KTN1: variants seen among roughly 807,000 people sequenced by gnomAD.
The protein encoded by KTN1 is kinectin.
KTN1 carries 130 observed loss-of-function variants against 222.5 expected under a neutral mutation model. The observed-to-expected ratio is 0.58, with a 90% CI of 0.51 to 0.68. The LOEUF is 0.68. Ranked by LOEUF, KTN1 falls within the 30% of genes least tolerant of loss-of-function variation. KTN1 has a pLI of 0.00. For synonymous variants in KTN1, 512 were observed against 496.3 expected (o/e 1.03, Z -0.42); for missense variants, 1,508 against 1,500.4 (o/e 1.01, Z -0.08).
intron 42 of KTN1, 103 bp from the exon 43 acceptor site, chr14:55,679,462 T>A (rs945817986): frequency 4.3e-6 from 4 of 924,602 alleles, no homozygotes; most frequent in Non-Finnish European, 6.5e-6. Context: ...TCAGATTTTT[T>A]AATGTTTGTG....
intron 35 of KTN1, 121 bp downstream of exon 35, chr14:55,670,930 TAAG>T (rs2045388264): frequency 1.7e-6 from 1 of 577,670 alleles, no homozygotes; most frequent in South Asian, 3.0e-5. Context: ...TGAGAAAGTG[TAAG>T]AAGGTGATTT....
intron 33 of KTN1, among the ~76,000 whole-genome samples, chr14:55,664,884 A>C (rs1410089659): frequency 6.6e-6 from 1 of 152,102 alleles, no homozygotes; most frequent in Non-Finnish European, 1.5e-5. Flanking sequence ...CTACATGATT[A>C]ATTTTAGCAC....
At chr14:55,597,063 GA>G (rs150001039) in intron 1 of KTN1, among the ~76,000 whole-genome samples, 11,631 of 147,496 alleles carry the variant, frequency 0.079, 488 homozygotes, top group South Asian at 0.12. Context: ...GGATTATTTT[GA>G]AAAAAAAAAT....
chr14:55,618,000 A>G lies in KTN1; in HGVS notation c.698A>G (p.Tyr233Cys), dbSNP rs2038630209. The G allele has an allele frequency of 6.2e-7, 1 of 1,609,686 alleles. No individual in the cohort carries two copies. Among genetic ancestry groups the G allele is most frequent in the African/African-American group, 1.3e-5 (1 of 74,710 alleles). ...GAACCCCTTATTCATGCAACTACTT[A>G]TATTCCTTTGATGGATAATGCTGAC... ...VDEPLIHATTYIPLMDNADSS... is the reference protein window; with the variant it reads ...VDEPLIHATTCIPLMDNADSS... Residue 233 changes from tyrosine to cysteine, a missense_variant, in exon 4 of 44, where the codon TAT becomes TGT. Tyr to Cys is a radical substitution (Grantham distance 194). Coordinates refer to ENST00000395314, the MANE Select transcript of KTN1 (RefSeq NM_001079521.2).
chr14:55,658,724 GT>G, intron 30 of KTN1, 110 bp downstream of exon 30: 2 of 660,522 alleles, frequency 3.0e-6, no homozygotes, highest in South Asian at 4.0e-5. Flanking sequence ...AATGAAGTAT[GT>G]TTTATTTATG....
At chr14:55,604,005 G>C (rs549682100) in intron 1 of KTN1, among the ~76,000 whole-genome samples, 1 of 152,156 alleles carries the variant, frequency 6.6e-6, no homozygotes, top group South Asian at 2.1e-4. Flanking sequence ...AATTATTTCA[G>C]TTGTCACCTA....
intron 2 of KTN1, among the ~76,000 whole-genome samples, chr14:55,615,892 TTCTC>T (rs143855394): frequency 6.6e-6 from 1 of 150,578 alleles, no homozygotes; most frequent in Admixed American, 6.6e-5. Context: ...CTTTCTCTCT[TTCTC>T]TCTCTCTTTT....
intron 29 of KTN1, among the ~76,000 whole-genome samples, chr14:55,657,397 G>GTTTTTTTTTTTTT (rs35297700): frequency 2.7e-4 from 37 of 137,656 alleles, no homozygotes; most frequent in African/African-American, 5.2e-4. Flanking sequence ...CTGAGTTGAC[G>GTTTTTTTTTTTTT]TTTTTTTTTT....
intron 2 of KTN1, among the ~76,000 whole-genome samples, chr14:55,612,806 A>G (rs1243097538): frequency 1.3e-5 from 2 of 152,078 alleles, no homozygotes; most frequent in Non-Finnish European, 2.9e-5. Context: ...TAATCCTAGC[A>G]CATTGGGAGG....
intron 1 of KTN1, among the ~76,000 whole-genome samples, chr14:55,580,576 A>G (rs2140259686): frequency 6.6e-6 from 1 of 150,420 alleles, no homozygotes; most frequent in African/African-American, 2.4e-5. Flanking sequence ...GCTCGGAGGG[A>G]CCTCCTCGGC....
chr14:55,632,613 G>A (rs1021860250), intron 7 of KTN1, among the ~76,000 whole-genome samples: 3 of 152,068 alleles, frequency 2.0e-5, no homozygotes, highest in African/African-American at 7.2e-5. Flanking sequence ...ATGAATGGTG[G>A]TCATGATTAC....
intron 30 of KTN1, 34 bp downstream of exon 30, chr14:55,658,648 C>A: frequency 7.3e-7 from 1 of 1,368,018 alleles, no homozygotes; most frequent in East Asian, 2.4e-5. Flanking sequence ...CTTTCACTTA[C>A]GTGGCAAAAA....
At chr14:55,683,985 A>C in intron 43 of KTN1, 114 bp from the exon 44 acceptor site, 1 of 719,806 alleles carries the variant, frequency 1.4e-6, no homozygotes, top group Non-Finnish European at 2.2e-6. Flanking sequence ...GTCTATTTGA[A>C]AGGGCCATGC....
intron 2 of KTN1, among the ~76,000 whole-genome samples, chr14:55,612,902 G>GAA (rs55992309): frequency 5.3e-4 from 79 of 148,764 alleles, no homozygotes; most frequent in Middle Eastern, 3.5e-3. Flanking sequence ...GAAATTAAAA[G>GAA]AAAAAAAAAA....
intron 1 of KTN1, among the ~76,000 whole-genome samples, chr14:55,582,298 C>T (rs944791218): frequency 1.3e-5 from 2 of 152,102 alleles, no homozygotes; most frequent in African/African-American, 4.8e-5. Context: ...CCTAAAAATG[C>T]CTCACTTCAG....
At position 55,639,234 on chromosome 14, in the gene KTN1, T is replaced by A. The variant is rs561143110; in HGVS notation, c.1823+12T>A. The stretch of plus-strand genomic sequence containing the variant: ...GAATTACATAAAGTGTAAGCCTACC[T>A]TTTCACACTCTTATAATTGTGTAGT... On this transcript the variant is annotated intron_variant, in intron 13 of 43. Coordinates refer to ENST00000395314, the MANE Select transcript of KTN1 (RefSeq NM_001079521.2). 41 of 1,588,332 alleles carry A rather than the reference T, an allele frequency of 2.6e-5. No individual in the cohort carries two copies. The South Asian group carries it at 4.5e-4, about 18-fold the overall frequency.
intron 41 of KTN1, among the ~76,000 whole-genome samples, chr14:55,677,340 G>A (rs2045965089): frequency 6.6e-6 from 1 of 151,954 alleles, no homozygotes; most frequent in African/African-American, 2.4e-5. Flanking sequence ...AGCCGGGTGT[G>A]GTGGTGCGCA....
chr14:55,637,268 G>C lies in KTN1; in HGVS notation c.1620G>C (p.Leu540Phe). The C allele has an allele frequency of 6.2e-7, 1 of 1,611,372 alleles. No individual in the cohort carries two copies. The highest frequency in any genetic ancestry group is 8.5e-7 in the Non-Finnish European group (1 of 1,178,146). ...TGCATAGTAAGCTTACAGATACCTT[G>C]GTATCAAAACAACAGTTGGAGCAAA... ...QSLHSKLTDT[L>F]VSKQQLEQRL... The change falls in exon 11 of 44, where the codon TTG (leucine) becomes TTC (phenylalanine). Residue 540 changes from leucine (L) to phenylalanine (F), a missense_variant. Transcript: ENST00000395314.
rs749091072 is a variant in KTN1, at chr14:55,679,562, T to C, written c.3949-3T>C. On this transcript the variant is annotated splice_region_variant and splice_polypyrimidine_tract_variant and intron_variant, in intron 42 of 43. Transcript: ENST00000395314. ...TTTATCATCACTTCCATCTTCTTTTTAGGAGTCTTCTGAGAAGGAGACAAT... is the reference window on the plus strand; with the variant it reads ...TTTATCATCACTTCCATCTTCTTTTCAGGAGTCTTCTGAGAAGGAGACAAT... The C allele has an allele frequency of 1.9e-5, 30 of 1,603,560 alleles. No individual in the cohort carries two copies. Among genetic ancestry groups the C allele is most frequent in the Non-Finnish European group, 2.0e-5 (24 of 1,173,846 alleles).
Sources: allele counts gnomAD v4.1 joint callset (sites outside exome capture counted in the v4.1 genomes callset), GRCh38; gene constraint gnomAD v4.1.1; transcripts MANE v1.5; gene names NCBI Gene and HGNC (gene_info 2026-07-23, HGNC 2026-07-21).